Variants in DOCK2 observed in about 807,000 individuals in gnomAD.
DOCK2 encodes the protein dedicator of cytokinesis protein 2.
Under a neutral mutation model 248.9 loss-of-function variants are expected in DOCK2, and 87 were observed. That is an observed-to-expected ratio of 0.35 (90% CI 0.29 to 0.42). The LOEUF is 0.42. Among genes scored for constraint, DOCK2 ranks in the 10% least tolerant of loss-of-function variants. The pLI, the probability that DOCK2 is intolerant of heterozygous loss-of-function variation, is 1.00. For missense variants in DOCK2, 1,747 were observed against 2,300.2 expected (o/e 0.76, Z 4.92); for synonymous variants, 805 against 821.6 (o/e 0.98, Z 0.35).
intron 27 of DOCK2, among the ~76,000 whole-genome samples, chr5:169,956,320 G>T (rs1300743541): frequency 6.6e-6 from 1 of 152,160 alleles, no homozygotes; most frequent in Non-Finnish European, 1.5e-5. Flanking sequence ...AAAAATTAGG[G>T]AAATGATGCC....
chr5:169,857,602 G>A (rs1039753013), intron 27 of DOCK2, among the ~76,000 whole-genome samples: 3 of 152,090 alleles, frequency 2.0e-5, no homozygotes, highest in Admixed American at 6.6e-5. Flanking sequence ...ATTACCAGTG[G>A]CAGACCCTAA....
chr5:169,983,135 T>A lies in DOCK2; in HGVS notation c.2867T>A (p.Ile956Asn). 1 of 1,614,066 alleles carries A rather than the reference T, an allele frequency of 6.2e-7. No homozygotes were observed. ...GGTGACCAGCACTACTCCTTCTACA[T>A]TGAGACCTTCCAGACCAGCTCTGAA... ...QMGDQHYSFY[I>N]ETFQTSSELV... is the part of the protein sequence containing the mutation. Residue 956 changes from isoleucine (I) to asparagine (N), a missense_variant, in exon 28 of 52, where the codon ATT (isoleucine) becomes AAT (asparagine). Around this residue, in one of 4 missense-constraint regions of DOCK2, gnomAD observed 858 missense variants for 1,183.5 expected, o/e 0.72. Coordinates refer to ENST00000520908, the MANE Select transcript of DOCK2 (RefSeq NM_004946.3).
intron 1 of DOCK2, among the ~76,000 whole-genome samples, chr5:169,647,601 C>A (rs1311826750): frequency 6.6e-6 from 1 of 152,110 alleles, no homozygotes; most frequent in Non-Finnish European, 1.5e-5. Context: ...CCAAGCTCAC[C>A]AGTTCTCCCT....
chr5:169,867,591 G>A (rs1004473560), intron 27 of DOCK2, among the ~76,000 whole-genome samples: 53 of 150,656 alleles, frequency 3.5e-4, no homozygotes, highest in Admixed American at 2.6e-3. Context: ...GTCATCTATC[G>A]TTATCTATCC....
chr5:169,932,348 A>T (rs1425733444), intron 27 of DOCK2, among the ~76,000 whole-genome samples: 1 of 152,076 alleles, frequency 6.6e-6, no homozygotes, highest in African/African-American at 2.4e-5. Context: ...TTGGAACTAT[A>T]CCCGCTGCAG....
chr5:169,757,895 C>T (rs1389878918), intron 23 of DOCK2, among the ~76,000 whole-genome samples: 1 of 152,040 alleles, frequency 6.6e-6, no homozygotes, highest in African/African-American at 2.4e-5. Context: ...ATTGTATGTC[C>T]AATGGTAGCA....
At chr5:169,755,031 G>A (rs542688532) in intron 23 of DOCK2, among the ~76,000 whole-genome samples, 168 of 152,016 alleles carry the variant, frequency 1.1e-3, no homozygotes, top group Non-Finnish European at 1.8e-4. Context: ...TCTAGCTCCT[G>A]TGTTGAAGCA....
chr5:169,920,239 A>G (rs568292159), intron 27 of DOCK2, among the ~76,000 whole-genome samples: 2 of 152,314 alleles, frequency 1.3e-5, no homozygotes, highest in African/African-American at 4.8e-5. Flanking sequence ...TGGCACCATA[A>G]TAATGATTAT....
intron 27 of DOCK2, among the ~76,000 whole-genome samples, chr5:169,930,524 T>C (rs966164622): frequency 1.1e-4 from 17 of 152,348 alleles, no homozygotes; most frequent in African/African-American, 4.1e-4. Flanking sequence ...CTGGAATTAC[T>C]TACAAGGGTG....
At chr5:169,820,424 TC>T (rs1440520316) in intron 26 of DOCK2, among the ~76,000 whole-genome samples, 1 of 152,150 alleles carries the variant, frequency 6.6e-6, no homozygotes, top group Non-Finnish European at 1.5e-5. Context: ...AGACAAAACT[TC>T]CAGAGGAACG....
At chr5:169,676,077 C>G (rs1031436742) in intron 6 of DOCK2, among the ~76,000 whole-genome samples, 57 of 152,268 alleles carry the variant, frequency 3.7e-4, no homozygotes, top group African/African-American at 1.3e-3. Flanking sequence ...CTACGACCTT[C>G]AAATGTTGTT....
At chr5:169,841,462 A>T in intron 27 of DOCK2, 1 of 985,596 alleles carries the variant, frequency 1.0e-6, no homozygotes, top group Non-Finnish European at 1.2e-6. Flanking sequence ...CCAAAATTCA[A>T]ATGCTTTCAG....
intron 27 of DOCK2, among the ~76,000 whole-genome samples, chr5:169,962,021 C>T (rs1369256011): frequency 3.0e-5 from 4 of 131,776 alleles, no homozygotes; most frequent in African/African-American, 1.2e-4. Flanking sequence ...GAGGCCAGAA[C>T]TTACTAGAAC....
intron 27 of DOCK2, among the ~76,000 whole-genome samples, chr5:169,966,123 T>C (rs896386570): frequency 1.3e-5 from 2 of 152,234 alleles, no homozygotes; most frequent in African/African-American, 4.8e-5. Flanking sequence ...TGTAAGGCCT[T>C]TAAAATTCCA....
chr5:170,023,501 G>A (rs1481993280), intron 33 of DOCK2, among the ~76,000 whole-genome samples: 3 of 152,166 alleles, frequency 2.0e-5, no homozygotes, highest in African/African-American at 4.8e-5. Flanking sequence ...CTGAATCAAT[G>A]TGGGTAAGTT....
intron 27 of DOCK2, among the ~76,000 whole-genome samples, chr5:169,945,579 C>G (rs1776414636): frequency 6.6e-6 from 1 of 152,198 alleles, no homozygotes; most frequent in African/African-American, 2.4e-5. Flanking sequence ...GTGAGAAAAT[C>G]AGGGCTCAGA....
intron 26 of DOCK2, among the ~76,000 whole-genome samples, chr5:169,825,316 T>G (rs1264855785): frequency 6.6e-6 from 1 of 152,110 alleles, no homozygotes; most frequent in Non-Finnish European, 1.5e-5. Flanking sequence ...AAGACACATG[T>G]ACATGTATGT....
At chr5:169,666,358 A>G (rs1175365769) in intron 2 of DOCK2, among the ~76,000 whole-genome samples, 1 of 152,214 alleles carries the variant, frequency 6.6e-6, no homozygotes, top group East Asian at 1.9e-4. Flanking sequence ...TTCAGTCCAT[A>G]GCAATGCACA....
At chr5:169,940,407 C>T (rs1175517514) in intron 27 of DOCK2, among the ~76,000 whole-genome samples, 1 of 152,208 alleles carries the variant, frequency 6.6e-6, no homozygotes, top group South Asian at 2.1e-4. Context: ...GGACCAGTTT[C>T]GTGGAAGACA....
Sources: gnomAD v4.1 joint callset for allele counts (sites outside exome capture counted in the v4.1 genomes callset) on GRCh38, gnomAD v4.1.1 for gene constraint, gnomAD v4.1.1 regional missense constraint, MANE v1.5 for transcripts, NCBI Gene and HGNC (gene_info 2026-07-23, HGNC 2026-07-21) for gene names.